IP6K3: variants seen among roughly 807,000 people sequenced by gnomAD.
The protein encoded by IP6K3 is inositol hexakisphosphate kinase 3.
In IP6K3, 20 loss-of-function variants were observed where a neutral mutation model predicts 28.8. The observed-to-expected ratio is 0.70, with a 90% CI of 0.49 to 1.01. IP6K3 has a LOEUF of 1.01. Ranked by LOEUF, IP6K3 falls within the 50% of genes least tolerant of loss-of-function variation. The probability of loss-of-function intolerance (pLI) is 0.00; values close to 1 mark genes in which losing one functional copy is unlikely to be tolerated. For synonymous variants in IP6K3, 213 were observed against 221.3 expected, an observed-to-expected ratio of 0.96 and a Z score of 0.33; for missense variants, 480 against 537.1, an observed-to-expected ratio of 0.89 and a Z score of 1.05.
At chr6:33,761,388 T>C in the IP6K3 span, among the ~76,000 whole-genome samples, 2 of 152,192 alleles carry the variant, frequency 1.3e-5, no homozygotes, top group African/African-American at 4.8e-5. Context: ...CCCCCACTCC[T>C]GAGGGGCCGG....
intron 1 of IP6K3, among the ~76,000 whole-genome samples, chr6:33,737,056 C>T (rs576152362): frequency 6.6e-6 from 1 of 152,274 alleles, no homozygotes; most frequent in Admixed American, 6.5e-5. Context: ...CAGTACCATG[C>T]GCAGGGTTGC....
the IP6K3 span, among the ~76,000 whole-genome samples, chr6:33,755,652 G>A: frequency 9.1e-3 from 1,388 of 152,334 alleles, 33 homozygotes; most frequent in African/African-American, 0.029. Flanking sequence ...TGCCAAGCCC[G>A]ATGTACAGGC....
In IP6K3 at chr6:33,728,173, C is replaced by T. The variant is rs1463029802; in HGVS notation, c.327G>A (p.Thr109=). 6.2e-6 allele frequency: 10 copies of T among 1,613,104 alleles called. No homozygotes were observed. Among genetic ancestry groups the T allele is most frequent in the East Asian group, 4.5e-5 (2 of 44,880 alleles). ...CATTGCTGCCGGTGGTCTGCTGGAG[C>T]GTCTGCCATATGGCCACCGCCGCCG... The part of the protein sequence containing the change: ...TESAAVAIWQ[T]LQQTTGSNGS... Residue 109 remains threonine (T), a synonymous_variant, in exon 3 of 6, where the codon ACG becomes ACA. Coordinates refer to ENST00000293756, the MANE Select transcript of IP6K3 (RefSeq NM_054111.5).
chr6:33,744,090 G>C lies in IP6K3; in HGVS notation c.-180+2668C>G, dbSNP rs959633629. Among the ~76,000 whole-genome samples, 4 of 152,176 alleles carry C rather than the reference G, an allele frequency of 2.6e-5. No homozygotes were observed. The highest frequency in any genetic ancestry group is 2.6e-4 in the Admixed American group (4 of 15,278). The stretch of plus-strand genomic sequence containing the variant: ...GAAGGGCTGCTCTGGGGGAGGCAGA[G>C]GCTGCGAGGGCTTCTCCCTCTTGGC... On this transcript the variant is annotated intron_variant, in intron 1 of 5. Coordinates refer to ENST00000293756, the MANE Select transcript of IP6K3 (RefSeq NM_054111.5). The surrounding 1 kb of genome is among the most constrained non-coding windows in gnomAD (Gnocchi z 4.4).
chr6:33,747,409 C>A (rs1161500569), upstream of IP6K3, among the ~76,000 whole-genome samples: 3 of 152,248 alleles, frequency 2.0e-5, no homozygotes, highest in Non-Finnish European at 4.4e-5. The surrounding 1 kb of genome is among the most constrained non-coding windows in gnomAD (Gnocchi z 5.2). Flanking sequence ...TTTGAGACCC[C>A]CTGCTAGGGC....
chr6:33,755,808 A>G, the IP6K3 span, among the ~76,000 whole-genome samples: 29 of 152,386 alleles, frequency 1.9e-4, no homozygotes, highest in East Asian at 5.8e-4. Context: ...AACAAAACCA[A>G]TAAAAACCAT....
At chr6:33,758,694 G>A in the IP6K3 span, among the ~76,000 whole-genome samples, 1 of 151,998 alleles carries the variant, frequency 6.6e-6, no homozygotes, top group Admixed American at 6.5e-5. Flanking sequence ...CTGCCTCCCA[G>A]GTTCAAGCAT....
the IP6K3 span, among the ~76,000 whole-genome samples, chr6:33,755,850 T>A: frequency 6.6e-6 from 1 of 152,240 alleles, no homozygotes; most frequent in African/African-American, 2.4e-5. Context: ...TAAATTTTTT[T>A]TATTTTTATT....
chr6:33,730,566 G>A (rs531256965), intron 2 of IP6K3, among the ~76,000 whole-genome samples: 9 of 152,182 alleles, frequency 5.9e-5, no homozygotes, highest in South Asian at 2.1e-4. Flanking sequence ...TGTCCTGCTC[G>A]TGAGACAGGG....
chr6:33,752,935 GTTATTT>G, the IP6K3 span, among the ~76,000 whole-genome samples: 4 of 152,134 alleles, frequency 2.6e-5, no homozygotes, highest in Admixed American at 6.5e-5. Context: ...CTTGAGTATT[GTTATTT>G]TTTAATTTTT....
In IP6K3 at chr6:33,735,419, G is replaced by C. The variant is rs777776981; in HGVS notation, c.58C>G (p.Pro20Ala). The change falls in exon 2 of 6, where the codon CCC becomes GCC. Residue 20 changes from proline (P) to alanine (A), a missense_variant. Transcript: ENST00000293756. ...GDMRAGVQLEPFLHQVGGHMS... is the reference protein window; with the variant it reads ...GDMRAGVQLEAFLHQVGGHMS... ...TGCCCCCCGACCTGGTGCAGGAAGG[G>C]CTCCAGCTGCACGCCTGCCCTCATG... is the stretch of plus-strand genomic sequence containing the variant. 1 of 1,609,626 alleles carries C rather than the reference G, an allele frequency of 6.2e-7. No homozygotes were observed. Among genetic ancestry groups the C allele is most frequent in the South Asian group, 1.1e-5 (1 of 90,512 alleles).
At chr6:33,737,874 G>A (rs1766584141) in intron 1 of IP6K3, among the ~76,000 whole-genome samples, 1 of 152,222 alleles carries the variant, frequency 6.6e-6, no homozygotes, top group Non-Finnish European at 1.5e-5. Context: ...CTCCAGTGTG[G>A]CACAGAGGTG....
intron 1 of IP6K3, among the ~76,000 whole-genome samples, chr6:33,743,242 G>C (rs757321527): frequency 1.3e-5 from 2 of 152,174 alleles, no homozygotes; most frequent in Non-Finnish European, 2.9e-5. Flanking sequence ...GGGCTTTCTG[G>C]GTAGAAGATA....
upstream of IP6K3, among the ~76,000 whole-genome samples, chr6:33,748,642 CAAA>C (rs35735336): frequency 1.6e-4 from 6 of 38,342 alleles, no homozygotes; most frequent in Non-Finnish European, 2.4e-4. Context: ...ACCCTGTCTC[CAAA>C]AAAAAAAAAA....
chr6:33,753,931 C>T, the IP6K3 span, among the ~76,000 whole-genome samples: 1 of 152,148 alleles, frequency 6.6e-6, no homozygotes, highest in African/African-American at 2.4e-5. Context: ...GCCTCAGCCT[C>T]CCGAGTAGCT....
intron 1 of IP6K3, among the ~76,000 whole-genome samples, chr6:33,745,415 G>A (rs1482393971): frequency 2.0e-5 from 3 of 152,148 alleles, no homozygotes; most frequent in East Asian, 3.9e-4. Flanking sequence ...AGGAGACCTG[G>A]TTCTGCCTCA....
At chr6:33,756,443 A>G in the IP6K3 span, among the ~76,000 whole-genome samples, 9 of 151,878 alleles carry the variant, frequency 5.9e-5, no homozygotes, top group African/African-American at 2.2e-4. Flanking sequence ...AAGCCAGGGG[A>G]GAGAGGTAGA....
At chr6:33,739,801 A>G (rs1766654724) in intron 1 of IP6K3, among the ~76,000 whole-genome samples, 1 of 152,216 alleles carries the variant, frequency 6.6e-6, no homozygotes, top group South Asian at 2.1e-4. Context: ...CTTGGGCAAG[A>G]GTCAGAAGTC....
upstream of IP6K3, among the ~76,000 whole-genome samples, chr6:33,748,642 C>A (rs1289592555): frequency 2.1e-4 from 8 of 38,372 alleles, no homozygotes; most frequent in Admixed American, 3.6e-4. Context: ...ACCCTGTCTC[C>A]AAAAAAAAAA....
Sources: allele counts gnomAD v4.1 joint callset (sites outside exome capture counted in the v4.1 genomes callset), GRCh38; gene constraint gnomAD v4.1.1; non-coding constraint Gnocchi (gnomAD v3.1); transcripts MANE v1.5; gene names NCBI Gene and HGNC (gene_info 2026-07-23, HGNC 2026-07-21).